The following VPS52 variants were observed in gnomAD, a reference collection of about 807,000 sequenced individuals.
VPS52 encodes the protein vacuolar protein sorting-associated protein 52 homolog.
Under a neutral mutation model 98.7 loss-of-function variants are expected in VPS52, and 56 were observed. The ratio of observed to expected loss-of-function variants is 0.57; its 90% CI spans 0.46 to 0.71. The LOEUF (loss-of-function observed/expected upper bound fraction) is 0.71. Ranked by LOEUF, VPS52 falls within the 30% of genes least tolerant of loss-of-function variation. The pLI is 0.00. For missense variants in VPS52, 742 were observed against 925.9 expected, an observed-to-expected ratio of 0.80 and a Z score of 2.58; for synonymous variants, 348 against 346.4, an observed-to-expected ratio of 1.00 and a Z score of -0.05.
intron 4 of VPS52, 29 bp downstream of exon 4, chr6:33,269,715 C>A: frequency 6.2e-7 from 1 of 1,608,536 alleles, no homozygotes; most frequent in Non-Finnish European, 8.5e-7. Flanking sequence ...ATGTCAATAG[C>A]ACCACCCCTT....
chr6:33,250,693 G>T lies in VPS52; in HGVS notation c.*148C>A. ...GATCCAGCTTATCCTGTTGGGCAAG[G>T]TGCTGGGAGTGAAGGCAGGTAAGCC... On this transcript the variant is annotated 3_prime_UTR_variant, in exon 20 of 20. Transcript: ENST00000445902. 2 of 1,038,216 alleles carry T rather than the reference G, an allele frequency of 1.9e-6. No homozygotes were observed. Among genetic ancestry groups the T allele is most frequent in the South Asian group, 1.6e-5 (1 of 63,168 alleles). The allele number at this position is 1,038,216 out of a possible 1,614,324, so 64.3% of individuals were successfully genotyped here. A position where few individuals can be genotyped will look rare whatever the true frequency, so the allele number is the denominator to read the frequency against.
At position 33,267,665 on chromosome 6, in the gene VPS52, C is replaced by G; in HGVS notation, c.991+17G>C. Reference sequence around the variant, plus strand: ...ACTCTCAAGGCCTGGCATGAGGGTTCCCCAGTACTAGGATATCTTTCTTTG... The same window carrying G: ...ACTCTCAAGGCCTGGCATGAGGGTTGCCCAGTACTAGGATATCTTTCTTTG... On this transcript the variant is annotated intron_variant, in intron 10 of 19. Transcript: ENST00000445902. This position sits in a 1 kb window ranked among gnomAD's most constrained non-coding sequence, Gnocchi z 4.2. The G allele has an allele frequency of 6.2e-7, 1 of 1,612,920 alleles. No individual in the cohort carries two copies. The highest frequency in any genetic ancestry group is 8.5e-7 in the Non-Finnish European group (1 of 1,179,952).
Position 33,271,854 on chromosome 6 carries a change from T to G in VPS52, c.-179A>C, listed in dbSNP as rs1444945992. On this transcript the variant is annotated 5_prime_UTR_variant, in exon 1 of 20. Coordinates refer to ENST00000445902, the MANE Select transcript of VPS52 (RefSeq NM_022553.6). ...CACTTCACCCAACTGCAAATGGAAA[T>G]ATGGAAGTCTGAAACACAAACTAGC... 1 of 1,350,898 alleles carries G rather than the reference T, an allele frequency of 7.4e-7. No individual in the cohort carries two copies. Among genetic ancestry groups the G allele is most frequent in the African/African-American group, 1.5e-5 (1 of 67,860 alleles). The allele number at this position is 1,350,898 out of a possible 1,614,324, so 83.7% of individuals were successfully genotyped here. A position where few individuals can be genotyped will look rare whatever the true frequency, so the allele number is the denominator to read the frequency against.
intron 19 of VPS52, 119 bp from the exon 20 acceptor site, chr6:33,251,106 G>A (rs1282493933): frequency 2.2e-6 from 3 of 1,372,648 alleles, no homozygotes; most frequent in South Asian, 1.2e-5. Context: ...CACTGTGGGA[G>A]GCCATGGCGG....
Position 33,268,883 on chromosome 6 carries a change from T to C in VPS52, c.548+131A>G. 6.4e-6 allele frequency: 8 copies of C among 1,258,092 alleles called. No homozygotes were observed. Among genetic ancestry groups the C allele is most frequent in the Non-Finnish European group, 8.8e-6 (8 of 911,304 alleles). The allele number at this position is 1,258,092 out of a possible 1,614,324, so 77.9% of individuals were successfully genotyped here. ...GCCTAATGCATACCTAAAGAAATGG[T>C]GGTTAACCTGGCTACTAATTTCTAA... On this transcript the variant is annotated intron_variant, in intron 6 of 19. Coordinates refer to ENST00000445902, the MANE Select transcript of VPS52 (RefSeq NM_022553.6). The surrounding 1 kb of genome is among the most constrained non-coding windows in gnomAD (Gnocchi z 4.0).
At chr6:33,257,817 G>A (rs1246794791) in intron 17 of VPS52, among the ~76,000 whole-genome samples, 2 of 152,124 alleles carry the variant, frequency 1.3e-5, no homozygotes, top group Non-Finnish European at 1.5e-5. Context: ...AGACCAGCCT[G>A]GGCAACATAG....
chr6:33,260,354 C>CTT (rs1184409636), intron 17 of VPS52, among the ~76,000 whole-genome samples: 2 of 144,062 alleles, frequency 1.4e-5, no homozygotes, highest in African/African-American at 5.1e-5. Flanking sequence ...CCATGCCTGG[C>CTT]TTTTTTTTTT....
chr6:33,269,399 C>T, intron 5 of VPS52, 91 bp downstream of exon 5: 1 of 1,545,684 alleles, frequency 6.5e-7, no homozygotes, highest in South Asian at 1.1e-5. Context: ...CTAACCTGTC[C>T]CCATCTTGAG....
intron 17 of VPS52, 100 bp downstream of exon 17, chr6:33,263,384 T>TACACACAC (rs878982754): frequency 1.2e-3 from 706 of 573,132 alleles, no homozygotes; most frequent in African/African-American, 4.9e-3. Flanking sequence ...TGCCACTCCC[T>TACACACAC]ACACACACAC....
At chr6:33,271,456 G>C in intron 1 of VPS52, 130 bp downstream of exon 1, 1 of 1,344,618 alleles carries the variant, frequency 7.4e-7, no homozygotes, top group South Asian at 1.2e-5. Context: ...ACAGGGAAGG[G>C]TACGGGGAGC....
In VPS52 at chr6:33,267,589, T is replaced by G; in HGVS notation, c.991+93A>C. 6.9e-7 allele frequency: 1 copy of G among 1,455,832 alleles called. No individual in the cohort carries two copies. Among genetic ancestry groups the G allele is most frequent in the South Asian group, 1.2e-5 (1 of 82,902 alleles). 90.2% of individuals were successfully genotyped at this position (1,455,832 alleles called of 1,614,324 possible). A position where few individuals can be genotyped will look rare whatever the true frequency, so the allele number is the denominator to read the frequency against. On this transcript the variant is annotated intron_variant, in intron 10 of 19. Transcript: ENST00000445902. This position sits in a 1 kb window ranked among gnomAD's most constrained non-coding sequence, Gnocchi z 4.2. Reference sequence around the variant, plus strand: ...CACATTCTAAAAGGTTTCAGTCCCATAGGAAAAGGTAAGGAGCAGTGCATT... The same window carrying G: ...CACATTCTAAAAGGTTTCAGTCCCAGAGGAAAAGGTAAGGAGCAGTGCATT...
intron 17 of VPS52, among the ~76,000 whole-genome samples, chr6:33,253,231 T>C (rs1259578993): frequency 6.6e-6 from 1 of 152,198 alleles, no homozygotes; most frequent in Non-Finnish European, 1.5e-5. Context: ...GGCTCATGCC[T>C]GTAATCCCAG....
At chr6:33,270,326 C>G in intron 1 of VPS52, 43 bp from the exon 2 acceptor site, 1 of 1,549,900 alleles carries the variant, frequency 6.5e-7, no homozygotes, top group Non-Finnish European at 8.8e-7. Flanking sequence ...CGGTGAAAGA[C>G]AGAAAGAAAA....
Position 33,250,737 on chromosome 6 carries a change from G to A in VPS52, c.*104C>T, listed in dbSNP as rs1762116302. 9 of 1,480,094 alleles carry A rather than the reference G, an allele frequency of 6.1e-6. No individual in the cohort carries two copies. Among genetic ancestry groups the A allele is most frequent in the African/African-American group, 1.4e-5 (1 of 71,288 alleles). The allele number at this position is 1,480,094 out of a possible 1,614,324, so 91.7% of individuals were successfully genotyped here. On this transcript the variant is annotated 3_prime_UTR_variant, in exon 20 of 20. Transcript: ENST00000445902. ...GTAAGCCATGTCAAGGGCCTGGGAA[G>A]CAAGGGGAAAACTGGAAGGGGTACC...
Position 33,250,789 on chromosome 6 carries a change from G to A in VPS52, c.*52C>T. The A allele has an allele frequency of 6.3e-7, 1 of 1,591,906 alleles. No individual in the cohort carries two copies. Among genetic ancestry groups the A allele is most frequent in the East Asian group, 2.2e-5 (1 of 44,524 alleles). On this transcript the variant is annotated 3_prime_UTR_variant, in exon 20 of 20. Coordinates refer to ENST00000445902, the MANE Select transcript of VPS52 (RefSeq NM_022553.6). Reference sequence around the variant, plus strand: ...CAGGTGAAGAAGGGTATGGAATGGGGTGCAGAAGTCCATGGAGATGACCGG... The same window carrying A: ...CAGGTGAAGAAGGGTATGGAATGGGATGCAGAAGTCCATGGAGATGACCGG...
At position 33,269,999 on chromosome 6, in the gene VPS52, C is replaced by G; in HGVS notation, c.228G>C (p.Thr76=). 1 of 1,614,082 alleles carries G rather than the reference C, an allele frequency of 6.2e-7. No homozygotes were observed. Among genetic ancestry groups the G allele is most frequent in the Non-Finnish European group, 8.5e-7 (1 of 1,180,014 alleles). The change falls in exon 3 of 20, where the codon ACG becomes ACC. Residue 76 remains threonine (T), a splice_region_variant and synonymous_variant. Transcript: ENST00000445902. ...EDELVKEALK[T]GVDLRHYSKQ... is the part of the protein sequence containing the mutation. ...AGATTAGTACAGGGGAAAGCCTCAC[C>G]GTTTTAAGAGCTTCCTTTACTAACT...
At chr6:33,270,077 G>A (rs373536508) in intron 2 of VPS52, 26 bp from the exon 3 acceptor site, 1 of 1,614,044 alleles carries the variant, frequency 6.2e-7, no homozygotes, top group African/African-American at 1.3e-5. Flanking sequence ...TATCATAAGG[G>A]TCCAGCTCCA....
chr6:33,251,361 CAAAA>C (rs540874776), intron 19 of VPS52, among the ~76,000 whole-genome samples, 153 bp downstream of exon 19: 6 of 148,172 alleles, frequency 4.0e-5, no homozygotes, highest in Non-Finnish European at 6.0e-5. Flanking sequence ...ACAAAACAAA[CAAAA>C]AAAAAAGAAT....
chr6:33,270,154 C>T (rs760649319), intron 2 of VPS52, 45 bp downstream of exon 2: 1 of 1,611,752 alleles, frequency 6.2e-7, no homozygotes, highest in South Asian at 1.1e-5. Flanking sequence ...AGCCCCCATG[C>T]CTCTCAGATT....
Sources: gnomAD v4.1 joint callset for allele counts (sites outside exome capture counted in the v4.1 genomes callset) on GRCh38, gnomAD v4.1.1 for gene constraint, Gnocchi (gnomAD v3.1) non-coding constraint, MANE v1.5 for transcripts, NCBI Gene and HGNC (gene_info 2026-07-23, HGNC 2026-07-21) for gene names.